Variants in GLIS3 observed in about 807,000 individuals in gnomAD.
The protein encoded by GLIS3 is zinc finger protein GLIS3.
A neutral mutation model predicts 78.6 loss-of-function variants in GLIS3; 53 were observed. The observed-to-expected ratio is 0.67, with a 90% CI of 0.54 to 0.85. The LOEUF is 0.85. GLIS3 is among the 40% of genes least tolerant of loss of function. The pLI is 0.00. For missense variants in GLIS3, 1,703 were observed against 1,231.1 expected (o/e 1.38, Z -5.74); for synonymous variants, 684 against 509.9 (o/e 1.34, Z -4.60).
At chr9:3,961,169 T>C (rs1485157334) in intron 4 of GLIS3, among the ~76,000 whole-genome samples, 3 of 152,180 alleles carry the variant, frequency 2.0e-5, no homozygotes, top group Non-Finnish European at 4.4e-5. Context: ...GGCCCTTGCA[T>C]TATAAGAAAG....
At chr9:4,265,982 G>C (rs1825969234) in intron 2 of GLIS3, among the ~76,000 whole-genome samples, 1 of 150,982 alleles carries the variant, frequency 6.6e-6, no homozygotes, top group Non-Finnish European at 1.5e-5. Flanking sequence ...GCAGTGACAT[G>C]ATCTCGGCTC....
At chr9:4,096,472 G>A (rs1829957426) in intron 4 of GLIS3, among the ~76,000 whole-genome samples, 1 of 152,180 alleles carries the variant, frequency 6.6e-6, no homozygotes, top group Non-Finnish European at 1.5e-5. Context: ...TAATTCAGTA[G>A]TCATTTATAA....
the GLIS3 span, among the ~76,000 whole-genome samples, chr9:4,456,701 G>C: frequency 6.6e-6 from 1 of 152,164 alleles, no homozygotes; most frequent in East Asian, 1.9e-4. Context: ...TGAATACTTA[G>C]AGGCCATTGT....
At chr9:4,089,856 G>A (rs1829346654) in intron 4 of GLIS3, among the ~76,000 whole-genome samples, 1 of 152,128 alleles carries the variant, frequency 6.6e-6, no homozygotes, top group Non-Finnish European at 1.5e-5. Flanking sequence ...GAATTCTCAG[G>A]TGTCTCCACT....
chr9:4,488,805 A>C, the GLIS3 span, among the ~76,000 whole-genome samples: 1 of 152,122 alleles, frequency 6.6e-6, no homozygotes, highest in Non-Finnish European at 1.5e-5. Flanking sequence ...GGTGTGAGCC[A>C]TCGCGCCCGG....
intron 4 of GLIS3, among the ~76,000 whole-genome samples, chr9:3,999,173 C>T (rs759391217): frequency 8.5e-5 from 13 of 152,128 alleles, no homozygotes; most frequent in Admixed American, 3.9e-4. Flanking sequence ...GGTAATTGAA[C>T]CAATCTCTAT....
chr9:4,433,538 G>A, the GLIS3 span, among the ~76,000 whole-genome samples: 1 of 152,214 alleles, frequency 6.6e-6, no homozygotes, highest in African/African-American at 2.4e-5. Context: ...CTGGAAGGGT[G>A]TACCATGATA....
chr9:4,441,554 G>A, the GLIS3 span, among the ~76,000 whole-genome samples: 1 of 152,056 alleles, frequency 6.6e-6, no homozygotes, highest in Non-Finnish European at 1.5e-5. Context: ...CTAGTGTTTT[G>A]TTGAGGATTT....
At chr9:4,453,221 C>G in the GLIS3 span, among the ~76,000 whole-genome samples, 1 of 151,666 alleles carries the variant, frequency 6.6e-6, no homozygotes, top group African/African-American at 2.4e-5. Context: ...AGAAGAAAAC[C>G]TAGGCAGTAC....
chr9:3,955,582 T>A (rs1489207584), intron 4 of GLIS3, among the ~76,000 whole-genome samples: 1 of 152,090 alleles, frequency 6.6e-6, no homozygotes, highest in African/African-American at 2.4e-5. Context: ...GTAGTTATGG[T>A]TGGCGTTGGA....
chr9:4,118,509 C>T lies in GLIS3; in HGVS notation c.969G>A (p.Ser323=), dbSNP rs201431173. The T allele has an allele frequency of 4.6e-5, 74 of 1,614,172 alleles. 1 individual carries two copies. The East Asian group carries it at 1.6e-3, about 35-fold the overall frequency. The change falls in exon 4 of 11, where the codon TCG becomes TCA. Residue 323 remains serine (S), a synonymous_variant. Coordinates refer to ENST00000381971, the MANE Select transcript of GLIS3 (RefSeq NM_001042413.2). This position sits in a 1 kb window ranked among gnomAD's most constrained non-coding sequence, Gnocchi z 4.7. ...GIDFNTIIRT[S]PTSLVAYING... ...TGATGTAGGCCACCAAGGACGTGGG[C>T]GACGTGCGGATGATGGTATTGAAAT...
At chr9:3,844,901 G>C (rs7029700) in intron 9 of GLIS3, among the ~76,000 whole-genome samples, 30,849 of 152,124 alleles carry the variant, frequency 0.2, 3,678 homozygotes, top group East Asian at 0.55. Flanking sequence ...CTAACATTCA[G>C]TGTGAGGAAA....
intron 2 of GLIS3, among the ~76,000 whole-genome samples, chr9:4,327,469 A>C (rs189212090): frequency 1.3e-5 from 2 of 152,264 alleles, no homozygotes; most frequent in Admixed American, 1.3e-4. Context: ...TGGAGGGTGC[A>C]CTAGGGAAGT....
intron 6 of GLIS3, among the ~76,000 whole-genome samples, chr9:3,916,204 T>C (rs141739534): frequency 2.5e-4 from 38 of 152,302 alleles, no homozygotes; most frequent in African/African-American, 8.9e-4. Flanking sequence ...GAAACTCCCA[T>C]AGTAATCGAA....
At chr9:3,845,741 A>G (rs1446892785) in intron 9 of GLIS3, among the ~76,000 whole-genome samples, 3 of 152,126 alleles carry the variant, frequency 2.0e-5, no homozygotes, top group African/African-American at 4.8e-5. Flanking sequence ...CCACGCACGC[A>G]CACACACACC....
chr9:4,058,181 T>C (rs1381183323), intron 4 of GLIS3, among the ~76,000 whole-genome samples: 1 of 152,114 alleles, frequency 6.6e-6, no homozygotes, highest in African/African-American at 2.4e-5. Context: ...GCTATGAGCC[T>C]AGCTTCTTGG....
intron 2 of GLIS3, among the ~76,000 whole-genome samples, chr9:4,256,905 C>T (rs1443180804): frequency 1.3e-5 from 2 of 152,172 alleles, no homozygotes; most frequent in African/African-American, 4.8e-5. Flanking sequence ...CCCATGTTCA[C>T]TGAAGCATTA....
Position 3,851,557 on chromosome 9 carries a change from G to A in GLIS3, c.2473+4452C>T, listed in dbSNP as rs375347956. 2.0e-5 allele frequency among the ~76,000 whole-genome samples: 3 copies of A among 152,228 alleles called. No individual in the cohort carries two copies. In the East Asian group the frequency reaches 5.8e-4, roughly 29 times the overall value. Reference sequence around the variant, plus strand: ...CTAGGTAAGGAAACTTGAAAAAGCAGTGCTAGTAATCTTTCAAAGTGTGCC... The same window carrying A: ...CTAGGTAAGGAAACTTGAAAAAGCAATGCTAGTAATCTTTCAAAGTGTGCC... On this transcript the variant is annotated intron_variant, in intron 9 of 10. Transcript: ENST00000381971.
the GLIS3 span, among the ~76,000 whole-genome samples, chr9:4,388,302 A>G: frequency 9.2e-5 from 14 of 152,262 alleles, no homozygotes; most frequent in East Asian, 2.3e-3. Context: ...TGAACTCGGG[A>G]AAAGCTGTTC....
Sources: gnomAD v4.1 joint callset for allele counts (sites outside exome capture counted in the v4.1 genomes callset) on GRCh38, gnomAD v4.1.1 for gene constraint, Gnocchi (gnomAD v3.1) non-coding constraint, MANE v1.5 for transcripts, NCBI Gene and HGNC (gene_info 2026-07-23, HGNC 2026-07-21) for gene names.